The following CTNNA3 variants were observed in gnomAD, a reference collection of about 807,000 sequenced individuals.
CTNNA3 encodes catenin alpha 3.
In CTNNA3, 76 loss-of-function variants were observed where a neutral mutation model predicts 95.7. The observed-to-expected ratio is 0.79, with a 90% CI of 0.66 to 0.96. The LOEUF is 0.96. Ranked by LOEUF, CTNNA3 falls within the 40% of genes least tolerant of loss-of-function variation. The pLI, the probability that CTNNA3 is intolerant of heterozygous loss-of-function variation, is 0.00. For missense variants in CTNNA3, 1,191 were observed against 1,089.8 expected, an observed-to-expected ratio of 1.09 and a Z score of -1.31; for synonymous variants, 431 against 374.4, an observed-to-expected ratio of 1.15 and a Z score of -1.74.
chr10:66,762,612 G>A (rs1341883191), intron 9 of CTNNA3, among the ~76,000 whole-genome samples: 3 of 151,240 alleles, frequency 2.0e-5, no homozygotes, highest in Non-Finnish European at 4.4e-5. Context: ...TCACCACCAA[G>A]GAACAGGCAT....
At chr10:66,426,209 C>T (rs1298914852) in intron 11 of CTNNA3, among the ~76,000 whole-genome samples, 1 of 151,906 alleles carries the variant, frequency 6.6e-6, no homozygotes, top group Non-Finnish European at 1.5e-5. Context: ...TAGTACTTGT[C>T]TTTTGGTGCA....
At chr10:67,388,622 GT>G (rs1198664084) in intron 5 of CTNNA3, among the ~76,000 whole-genome samples, 1 of 148,936 alleles carries the variant, frequency 6.7e-6, no homozygotes, top group Non-Finnish European at 1.5e-5. Flanking sequence ...ATTCACCAAA[GT>G]TGAAATGAAG....
intron 6 of CTNNA3, among the ~76,000 whole-genome samples, chr10:67,202,028 C>G (rs774267088): frequency 2.0e-5 from 3 of 152,116 alleles, no homozygotes; most frequent in Non-Finnish European, 2.9e-5. Flanking sequence ...ATGATAAAAA[C>G]TAATATGTTG....
At chr10:66,312,116 T>C (rs1156242837) in intron 12 of CTNNA3, among the ~76,000 whole-genome samples, 1 of 152,232 alleles carries the variant, frequency 6.6e-6, no homozygotes, top group African/African-American at 2.4e-5. Flanking sequence ...ATTATTTTCA[T>C]CTAATTAATT....
intron 12 of CTNNA3, among the ~76,000 whole-genome samples, chr10:66,360,651 C>CTTTTCT (rs776047899): frequency 6.3e-4 from 38 of 59,982 alleles, no homozygotes; most frequent in African/African-American, 2.4e-3. Flanking sequence ...TTCTTTCTTT[C>CTTTTCT]TTTCTTTCTT....
At chr10:66,336,374 A>AC (rs2092396671) in intron 12 of CTNNA3, among the ~76,000 whole-genome samples, 1 of 151,856 alleles carries the variant, frequency 6.6e-6, no homozygotes, top group Non-Finnish European at 1.5e-5. Context: ...TCTTAGCTCC[A>AC]CCCCCAGCAC....
At chr10:66,217,214 C>T (rs1460948311) in intron 13 of CTNNA3, among the ~76,000 whole-genome samples, 3 of 151,858 alleles carry the variant, frequency 2.0e-5, no homozygotes, top group Non-Finnish European at 2.9e-5. Flanking sequence ...ATTAGCTGGG[C>T]GTGGTGGTGG....
intron 13 of CTNNA3, among the ~76,000 whole-genome samples, chr10:66,125,354 T>A (rs1259947600): frequency 1.3e-5 from 2 of 152,160 alleles, no homozygotes; most frequent in African/African-American, 4.8e-5. Context: ...GAGAATACTG[T>A]ATTGAAAGAT....
upstream of CTNNA3, among the ~76,000 whole-genome samples, chr10:67,697,903 C>T (rs998147467): frequency 1.3e-5 from 2 of 152,158 alleles, no homozygotes; most frequent in Non-Finnish European, 2.9e-5. Flanking sequence ...GTATTTGTAT[C>T]AGTTTGCTGA....
chr10:66,055,921 C>CAAAAA (rs386371652), intron 15 of CTNNA3, among the ~76,000 whole-genome samples: 8 of 60,196 alleles, frequency 1.3e-4, no homozygotes, highest in Non-Finnish European at 1.8e-4. Flanking sequence ...GACTCCATCT[C>CAAAAA]AAAAAAAAAA....
At chr10:66,139,698 T>C (rs1293075584) in intron 13 of CTNNA3, among the ~76,000 whole-genome samples, 2 of 152,132 alleles carry the variant, frequency 1.3e-5, no homozygotes, top group African/African-American at 4.8e-5. Flanking sequence ...GTCCCTCTCA[T>C]TGTGTCATAT....
chr10:66,166,769 A>G (rs2085153927), intron 13 of CTNNA3, among the ~76,000 whole-genome samples: 1 of 152,158 alleles, frequency 6.6e-6, no homozygotes, highest in South Asian at 2.1e-4. Context: ...TTAAAATAGG[A>G]TTAAATTGAA....
chr10:66,691,818 C>T (rs918808924), intron 9 of CTNNA3, among the ~76,000 whole-genome samples: 3 of 152,166 alleles, frequency 2.0e-5, no homozygotes, highest in African/African-American at 7.2e-5. Context: ...ATCCGCTGTT[C>T]TGCAGCCACC....
chr10:66,547,548 T>TA (rs1842078408), intron 10 of CTNNA3, among the ~76,000 whole-genome samples: 1 of 151,660 alleles, frequency 6.6e-6, no homozygotes, highest in African/African-American at 2.4e-5. Context: ...TTCACCATGT[T>TA]AGCCAGGATG....
intron 6 of CTNNA3, among the ~76,000 whole-genome samples, chr10:67,208,796 T>A (rs190679884): frequency 2.0e-5 from 3 of 152,048 alleles, no homozygotes; most frequent in African/African-American, 7.2e-5. Context: ...TTTACAAGAA[T>A]AAATTCATGT....
At chr10:67,487,589 C>T (rs1848491827) in intron 5 of CTNNA3, among the ~76,000 whole-genome samples, 1 of 152,166 alleles carries the variant, frequency 6.6e-6, no homozygotes, top group African/African-American at 2.4e-5. Flanking sequence ...AAAATTAAGC[C>T]ACCTCACAAC....
chr10:66,607,164 A>G (rs1844154236), intron 10 of CTNNA3, among the ~76,000 whole-genome samples: 1 of 152,078 alleles, frequency 6.6e-6, no homozygotes, highest in African/African-American at 2.4e-5. Context: ...CTACGCACAT[A>G]AACTAGCAAA....
At chr10:66,176,143 T>A (rs2085699542) in intron 13 of CTNNA3, among the ~76,000 whole-genome samples, 2 of 152,116 alleles carry the variant, frequency 1.3e-5, no homozygotes, top group Non-Finnish European at 2.9e-5. Flanking sequence ...ACAAGTTCAG[T>A]TGATGTCTGT....
At chr10:67,304,750 C>T (rs1247616569) in intron 5 of CTNNA3, among the ~76,000 whole-genome samples, 1 of 151,880 alleles carries the variant, frequency 6.6e-6, no homozygotes, top group Admixed American at 6.6e-5. Context: ...TGTCCTCTGC[C>T]TTCAAAGGGA....
Sources: gnomAD v4.1 joint callset for allele counts (sites outside exome capture counted in the v4.1 genomes callset) on GRCh38, gnomAD v4.1.1 for gene constraint, MANE v1.5 for transcripts, NCBI Gene and HGNC (gene_info 2026-07-23, HGNC 2026-07-21) for gene names.